RPH3A: variants seen among roughly 807,000 people sequenced by gnomAD.
RPH3A encodes the protein rabphilin 3A.
In RPH3A, 48 loss-of-function variants were observed where a neutral mutation model predicts 102.2. The ratio of observed to expected loss-of-function variants is 0.47; its 90% CI spans 0.37 to 0.60. The LOEUF (loss-of-function observed/expected upper bound fraction) is 0.60. Ranked by LOEUF, RPH3A falls within the 20% of genes least tolerant of loss-of-function variation. The pLI is 0.00. For synonymous variants in RPH3A, 310 were observed against 324.3 expected (o/e 0.96, Z 0.47); for missense variants, 781 against 910.1 (o/e 0.86, Z 1.83).
intron 1 of RPH3A, among the ~76,000 whole-genome samples, chr12:112,762,920 G>A (rs11066405): frequency 0.08 from 12,119 of 152,220 alleles, 1,270 homozygotes; most frequent in African/African-American, 0.24. Flanking sequence ...TATGCTGATC[G>A]GACAGATTTG....
At chr12:112,696,895 T>C (rs1211994125) in intron 1 of RPH3A, among the ~76,000 whole-genome samples, 1 of 152,026 alleles carries the variant, frequency 6.6e-6, no homozygotes, top group Non-Finnish European at 1.5e-5. Flanking sequence ...TATGCTTTGG[T>C]CTTGTTTTCT....
At chr12:112,598,106 G>A (rs1385871762) in intron 1 of RPH3A, among the ~76,000 whole-genome samples, 2 of 152,186 alleles carry the variant, frequency 1.3e-5, no homozygotes, top group Non-Finnish European at 2.9e-5. Context: ...AGTTGCTGAG[G>A]GCAACCGTGC....
At chr12:112,875,211 C>T (rs1204197881) in intron 11 of RPH3A, 41 bp downstream of exon 11, 4 of 1,497,388 alleles carry the variant, frequency 2.7e-6, no homozygotes, top group Non-Finnish European at 3.6e-6. Context: ...CAGGCTGTCA[C>T]TCGGCTGTGA....
intron 1 of RPH3A, among the ~76,000 whole-genome samples, chr12:112,700,770 G>A (rs958992973): frequency 1.1e-4 from 17 of 151,900 alleles, no homozygotes; most frequent in African/African-American, 3.1e-4. Flanking sequence ...CTCATCCTTC[G>A]CCTACCTCTT....
In RPH3A at chr12:112,662,522, G is replaced by A. The variant is rs369706062; in HGVS notation, c.-140+87203G>A. 1.2e-4 allele frequency among the ~76,000 whole-genome samples: 19 copies of A among 152,310 alleles called. No individual in the cohort carries two copies. The South Asian group carries it at 3.9e-3, about 32-fold the overall frequency. ...GGCTTTTGCTATATGCAAAATGGGA[G>A]CTCATTCCTCTCCCACGGTCTATGG... On this transcript the variant is annotated intron_variant, in intron 1 of 21. Coordinates refer to the RPH3A transcript ENST00000543106.
At chr12:112,721,291 G>A (rs2040548470) in intron 1 of RPH3A, among the ~76,000 whole-genome samples, 1 of 152,138 alleles carries the variant, frequency 6.6e-6, no homozygotes, top group Non-Finnish European at 1.5e-5. Context: ...GGAATTTCAG[G>A]GACCTGAAGG....
At chr12:112,689,099 T>C (rs1190097342) in intron 1 of RPH3A, among the ~76,000 whole-genome samples, 2 of 152,224 alleles carry the variant, frequency 1.3e-5, no homozygotes, top group African/African-American at 2.4e-5. Flanking sequence ...GTGTCTGAAT[T>C]TGCTTTATTT....
intron 1 of RPH3A, among the ~76,000 whole-genome samples, chr12:112,786,022 G>A (rs1229623635): frequency 1.3e-5 from 2 of 151,606 alleles, no homozygotes; most frequent in Admixed American, 6.6e-5. Flanking sequence ...GGAGATGAGC[G>A]GGGAAGGTAT....
intron 16 of RPH3A, among the ~76,000 whole-genome samples, chr12:112,887,394 A>T (rs1460615950): frequency 6.6e-6 from 1 of 152,232 alleles, no homozygotes; most frequent in Non-Finnish European, 1.5e-5. Flanking sequence ...TCTATATTAT[A>T]TGATTCCATT....
intron 1 of RPH3A, among the ~76,000 whole-genome samples, chr12:112,727,485 ACACACAG>A (rs2040601434): frequency 2.4e-5 from 2 of 82,082 alleles, no homozygotes; most frequent in African/African-American, 1.0e-4. Flanking sequence ...ACACACACAC[ACACACAG>A]ACCCCCCCCC....
intron 1 of RPH3A, among the ~76,000 whole-genome samples, chr12:112,603,819 T>C (rs530025646): frequency 2.0e-4 from 31 of 152,280 alleles, no homozygotes; most frequent in African/African-American, 6.3e-4. Context: ...TCACTCAAGA[T>C]GGAGTCACTC....
chr12:112,670,067 T>C (rs1229821414), intron 1 of RPH3A, among the ~76,000 whole-genome samples: 2 of 152,226 alleles, frequency 1.3e-5, no homozygotes, highest in African/African-American at 4.8e-5. Context: ...AGAAATAGTA[T>C]TGATGGATTA....
chr12:112,585,137 A>C (rs930744485), intron 1 of RPH3A, among the ~76,000 whole-genome samples: 2 of 152,218 alleles, frequency 1.3e-5, no homozygotes, highest in Non-Finnish European at 2.9e-5. Flanking sequence ...GCAGGCTGGA[A>C]GACTCAGCCA....
intron 1 of RPH3A, chr12:112,649,320 A>T (rs1456734947): frequency 6.6e-6 from 1 of 152,200 alleles, no homozygotes; most frequent in Non-Finnish European, 1.5e-5. Context: ...ATTTAAGAAA[A>T]CGCTCTATGC....
intron 1 of RPH3A, among the ~76,000 whole-genome samples, chr12:112,639,081 C>T (rs1194989034): frequency 6.6e-6 from 1 of 152,134 alleles, no homozygotes; most frequent in Admixed American, 6.5e-5. Flanking sequence ...TGCCTCAATC[C>T]CTCTGAGCCT....
intron 1 of RPH3A, among the ~76,000 whole-genome samples, chr12:112,619,035 C>T (rs984629710): frequency 6.6e-6 from 1 of 152,140 alleles, no homozygotes; most frequent in Admixed American, 6.5e-5. Context: ...ATCGGTGCTT[C>T]CTTCCCTTTT....
At position 112,709,093 on chromosome 12, in the gene RPH3A, A is replaced by T. The variant is rs148921635; in HGVS notation, c.-139-83050A>T. On this transcript the variant is annotated intron_variant, in intron 1 of 21. Coordinates refer to the RPH3A transcript ENST00000543106. ...CTCTCTTAAAATGCAGCTCCCTTTG[A>T]TGGGTGTGTATGGCAAAGGTGACAA... Among the ~76,000 whole-genome samples, 387 of 152,236 alleles carry T rather than the reference A, an allele frequency of 2.5e-3. 3 individuals carry two copies. The highest frequency in any genetic ancestry group is 8.7e-3 in the African/African-American group (360 of 41,544).
intron 2 of RPH3A, among the ~76,000 whole-genome samples, chr12:112,796,137 G>A (rs747461746): frequency 2.0e-5 from 3 of 152,190 alleles, no homozygotes; most frequent in Non-Finnish European, 4.4e-5. Flanking sequence ...TGGCTTGTGA[G>A]GCTCTAAGCA....
intron 2 of RPH3A, among the ~76,000 whole-genome samples, chr12:112,800,701 C>T (rs2041327362): frequency 6.6e-6 from 1 of 151,956 alleles, no homozygotes; most frequent in African/African-American, 2.4e-5. Flanking sequence ...TGCAGACGGG[C>T]TTTACTGATG....
Sources: gnomAD v4.1 joint callset for allele counts (sites outside exome capture counted in the v4.1 genomes callset) on GRCh38, gnomAD v4.1.1 for gene constraint, MANE v1.5 for transcripts, NCBI Gene and HGNC (gene_info 2026-07-23, HGNC 2026-07-21) for gene names.